Variants in SLC25A33 observed in about 807,000 individuals in gnomAD.
The protein encoded by SLC25A33 is solute carrier family 25 member 33.
In SLC25A33, 15 loss-of-function variants were observed where a neutral mutation model predicts 35.5. The observed-to-expected ratio is 0.42, with a 90% CI of 0.28 to 0.65. The LOEUF (loss-of-function observed/expected upper bound fraction) is 0.65, where lower values mean the gene tolerates loss of function less well. Among genes scored for constraint, SLC25A33 ranks in the 30% least tolerant of loss-of-function variants. The pLI, the probability that SLC25A33 is intolerant of heterozygous loss-of-function variation, is 0.20. For missense variants in SLC25A33, 257 were observed against 398.5 expected, an observed-to-expected ratio of 0.64 and a Z score of 3.02; for synonymous variants, 136 against 148.7, an observed-to-expected ratio of 0.91 and a Z score of 0.62.
At chr1:9,567,234 A>G (rs1643521197) in intron 2 of SLC25A33, 50 bp from the exon 3 acceptor site, 2 of 1,485,234 alleles carry the variant, frequency 1.3e-6, no homozygotes, top group Non-Finnish European at 1.9e-6. Context: ...ATCATTTTTA[A>G]TAGGCCTTGC....
Position 9,582,356 on chromosome 1 carries a change from C to T in SLC25A33, c.821C>T (p.Thr274Met), listed in dbSNP as rs1420722802. 6.2e-6 allele frequency: 10 copies of T among 1,613,834 alleles called. No homozygotes were observed. Among genetic ancestry groups the T allele is most frequent in the Middle Eastern group, 3.3e-4 (2 of 6,078 alleles). Residue 274 changes from threonine to methionine, a missense_variant, in exon 7 of 7, where the codon ACG becomes ATG. Physicochemically the swap from Thr to Met is moderately conservative, Grantham distance 81 (BLOSUM62 -1). Transcript: ENST00000302692. This position sits in a 1 kb window ranked among gnomAD's most constrained non-coding sequence, Gnocchi z 4.0. The part of the protein sequence containing the change: ...EGTKYKSFVQ[T>M]ARLVFREEGY... Reference sequence around the variant, plus strand: ...ACCAAGTACAAGTCTTTTGTCCAGACGGCGCGCCTGGTGTTCCGGGAAGAA... The same window carrying T: ...ACCAAGTACAAGTCTTTTGTCCAGATGGCGCGCCTGGTGTTCCGGGAAGAA...
At chr1:9,564,704 T>A (rs1643473534) in intron 2 of SLC25A33, among the ~76,000 whole-genome samples, 1 of 137,350 alleles carries the variant, frequency 7.3e-6, no homozygotes, top group Non-Finnish European at 1.5e-5. Flanking sequence ...CTGGCCAACA[T>A]GGTGACACCT....
chr1:9,576,825 A>G, intron 5 of SLC25A33: 2 of 1,228,140 alleles, frequency 1.6e-6, no homozygotes, highest in East Asian at 2.7e-5. Context: ...CAGTATCTCA[A>G]GCCTAGAAAG....
chr1:9,562,264 C>G (rs1217183102), intron 2 of SLC25A33, among the ~76,000 whole-genome samples: 1 of 145,190 alleles, frequency 6.9e-6, no homozygotes, highest in Admixed American at 7.0e-5. Flanking sequence ...AGGAGAATCA[C>G]TTGAGCCTGG....
chr1:9,563,864 T>TG (rs1643460850), intron 2 of SLC25A33, among the ~76,000 whole-genome samples: 1 of 151,984 alleles, frequency 6.6e-6, no homozygotes. Context: ...TTCACCATGT[T>TG]GCCAGGCTGG....
intron 3 of SLC25A33, 33 bp from the exon 4 acceptor site, chr1:9,570,225 G>T: frequency 1.9e-6 from 3 of 1,584,970 alleles, no homozygotes; most frequent in Non-Finnish European, 2.6e-6. Flanking sequence ...GCACTGTGAT[G>T]ATTTCTTTAT....
intron 1 of SLC25A33, among the ~76,000 whole-genome samples, chr1:9,553,382 G>A (rs1201605365): frequency 4.0e-5 from 6 of 151,182 alleles, no homozygotes; most frequent in African/African-American, 1.5e-4. Flanking sequence ...CTGCCACCAC[G>A]CCCAGCTAAT....
Position 9,564,765 on chromosome 1 carries a change from T to TATATATATATATAC in SLC25A33, c.237-2518_237-2517insTATATATATATACA, listed in dbSNP as rs59741987. Among the ~76,000 whole-genome samples, 578 of 114,522 alleles carry TATATATATATATAC rather than the reference T, an allele frequency of 5.0e-3. 10 individuals carry two copies. Among genetic ancestry groups the TATATATATATATAC allele is most frequent in the East Asian group, 0.012 (37 of 3,144 alleles). 75.1% of individuals were successfully genotyped at this position (114,522 alleles called of 152,430 possible). A position where few individuals can be genotyped will look rare whatever the true frequency, so the allele number is the denominator to read the frequency against. ...ATATATATATATATATATATATATA[T>TATATATATATATAC]ACACAAAAATTAGCTGAGCGTGGTG... On this transcript the variant is annotated intron_variant, in intron 2 of 6. Coordinates refer to ENST00000302692, the MANE Select transcript of SLC25A33 (RefSeq NM_032315.3).
intron 2 of SLC25A33, among the ~76,000 whole-genome samples, chr1:9,554,797 T>C (rs1643317397): frequency 6.6e-6 from 1 of 152,214 alleles, no homozygotes; most frequent in African/African-American, 2.4e-5. Context: ...ATTCATTTGC[T>C]TATAAAGTAG....
At chr1:9,542,640 T>C (rs1643102984) in intron 1 of SLC25A33, among the ~76,000 whole-genome samples, 1 of 152,160 alleles carries the variant, frequency 6.6e-6, no homozygotes, top group Non-Finnish European at 1.5e-5. Flanking sequence ...GTTGTTAAGC[T>C]GGCGTCTTTC....
At chr1:9,559,906 A>C (rs779464057) in intron 2 of SLC25A33, among the ~76,000 whole-genome samples, 25 of 152,156 alleles carry the variant, frequency 1.6e-4, no homozygotes, top group Non-Finnish European at 2.6e-4. Context: ...TCTTATCTAC[A>C]AAGCCCGTGT....
At chr1:9,574,234 C>T (rs561010720) in intron 5 of SLC25A33, among the ~76,000 whole-genome samples, 1 of 151,484 alleles carries the variant, frequency 6.6e-6, no homozygotes, top group African/African-American at 2.4e-5. Flanking sequence ...TTTGAGACCA[C>T]AGGTGCATGC....
chr1:9,566,955 G>C (rs1241309744), intron 2 of SLC25A33, among the ~76,000 whole-genome samples: 1 of 151,982 alleles, frequency 6.6e-6, no homozygotes, highest in Admixed American at 6.6e-5. Flanking sequence ...TAGAACCCAG[G>C]AGGCAGAGGT....
At chr1:9,570,918 G>C (rs2100403875) in intron 4 of SLC25A33, among the ~76,000 whole-genome samples, 1 of 152,058 alleles carries the variant, frequency 6.6e-6, no homozygotes, top group African/African-American at 2.4e-5. Flanking sequence ...TCACCACATT[G>C]CCCGGGCTGA....
chr1:9,550,346 G>C (rs1569846761), intron 1 of SLC25A33, among the ~76,000 whole-genome samples: 1 of 151,928 alleles, frequency 6.6e-6, no homozygotes, highest in African/African-American at 2.4e-5. Flanking sequence ...CAGTGGCATA[G>C]ACTTGGATGA....
intron 2 of SLC25A33, chr1:9,556,111 C>G (rs956874153): frequency 3.7e-6 from 3 of 805,302 alleles, no homozygotes; most frequent in African/African-American, 3.7e-5. Context: ...CAGGACAGAT[C>G]CGAGTCCATG....
intron 2 of SLC25A33, among the ~76,000 whole-genome samples, chr1:9,556,960 CAG>C (rs1480917923): frequency 5.9e-5 from 9 of 152,114 alleles, no homozygotes; most frequent in African/African-American, 1.9e-4. Flanking sequence ...TTTTTTGAGA[CAG>C]AGTTTCACTC....
intron 2 of SLC25A33, chr1:9,556,118 C>A: frequency 2.4e-6 from 2 of 849,666 alleles, no homozygotes; most frequent in Non-Finnish European, 2.8e-6. Flanking sequence ...GATCCGAGTC[C>A]ATGGCCCCCA....
chr1:9,582,373 C>G lies in SLC25A33; in HGVS notation c.838C>G (p.Arg280Gly). The change falls in exon 7 of 7, where the codon CGG becomes GGG. Residue 280 changes from arginine to glycine, a missense_variant. By Grantham distance (125) the Arg-to-Gly change is moderately radical. Transcript: ENST00000302692. This position sits in a 1 kb window ranked among gnomAD's most constrained non-coding sequence, Gnocchi z 4.0. ...SFVQTARLVF[R>G]EEGYLAFYRG... The stretch of plus-strand genomic sequence containing the variant: ...TGTCCAGACGGCGCGCCTGGTGTTC[C>G]GGGAAGAAGGCTACCTTGCCTTTTA... 1.2e-6 allele frequency: 2 copies of G among 1,613,932 alleles called. No individual in the cohort carries two copies. Among genetic ancestry groups the G allele is most frequent in the Non-Finnish European group, 1.7e-6 (2 of 1,179,868 alleles).
Sources: allele counts gnomAD v4.1 joint callset (sites outside exome capture counted in the v4.1 genomes callset), GRCh38; gene constraint gnomAD v4.1.1; non-coding constraint Gnocchi (gnomAD v3.1); transcripts MANE v1.5; gene names NCBI Gene and HGNC (gene_info 2026-07-23, HGNC 2026-07-21).